Variants in LTBP1 observed in about 807,000 individuals in gnomAD.
LTBP1 encodes latent transforming growth factor beta binding protein 1.
LTBP1 carries 129 observed loss-of-function variants against 207.6 expected under a neutral mutation model. The ratio of observed to expected loss-of-function variants is 0.62; its 90% CI spans 0.54 to 0.72. LTBP1 has a LOEUF of 0.72. Among genes scored for constraint, LTBP1 ranks in the 30% least tolerant of loss-of-function variants. LTBP1 has a pLI of 0.00. For missense variants in LTBP1, 2,281 were observed against 2,217.2 expected (o/e 1.03, Z -0.58); for synonymous variants, 963 against 833.7 (o/e 1.16, Z -2.67).
chr2:33,219,624 T>A (rs1189359648), intron 8 of LTBP1, among the ~76,000 whole-genome samples: 2 of 152,184 alleles, frequency 1.3e-5, no homozygotes, highest in Non-Finnish European at 2.9e-5. Context: ...TTCCACTGTT[T>A]GGTCTAAGAA....
intron 5 of LTBP1, among the ~76,000 whole-genome samples, chr2:33,156,791 AT>A (rs1338612866): frequency 6.6e-6 from 1 of 152,232 alleles, no homozygotes; most frequent in East Asian, 1.9e-4. Flanking sequence ...TCTTGAGTAT[AT>A]TAAACATCAA....
At chr2:33,155,033 A>T (rs1164333715) in intron 5 of LTBP1, among the ~76,000 whole-genome samples, 6 of 152,184 alleles carry the variant, frequency 3.9e-5, no homozygotes, top group Admixed American at 2.0e-4. Flanking sequence ...ATTGCATTCC[A>T]GCCTGGGCTA....
intron 5 of LTBP1, among the ~76,000 whole-genome samples, chr2:33,178,763 C>A (rs1264517762): frequency 1.3e-5 from 2 of 152,228 alleles, no homozygotes; most frequent in African/African-American, 4.8e-5. Flanking sequence ...AATGGTATCT[C>A]ACCACCATGT....
intron 5 of LTBP1, among the ~76,000 whole-genome samples, chr2:33,138,028 A>G (rs1036816642): frequency 2.6e-5 from 4 of 152,096 alleles, no homozygotes; most frequent in Admixed American, 2.6e-4. Flanking sequence ...CATTGGCTCT[A>G]TGTGCTCTTT....
intron 7 of LTBP1, among the ~76,000 whole-genome samples, chr2:33,198,996 G>A (rs1408609338): frequency 1.3e-5 from 2 of 152,120 alleles, no homozygotes; most frequent in South Asian, 2.1e-4. Flanking sequence ...ATGTTAGGGT[G>A]TCAGTTTTGG....
chr2:33,169,974 A>G (rs1279220110), intron 5 of LTBP1, among the ~76,000 whole-genome samples: 1 of 152,224 alleles, frequency 6.6e-6, no homozygotes, highest in Non-Finnish European at 1.5e-5. Flanking sequence ...AGTTACCTTG[A>G]AACTAGTAAA....
At chr2:33,232,277 G>A (rs191894647) in intron 9 of LTBP1, among the ~76,000 whole-genome samples, 8 of 152,318 alleles carry the variant, frequency 5.3e-5, no homozygotes, top group African/African-American at 1.9e-4. Flanking sequence ...ACTGGACAAT[G>A]CAGAGACAAA....
chr2:33,082,648 A>G (rs1019869502), intron 3 of LTBP1, among the ~76,000 whole-genome samples: 1 of 151,738 alleles, frequency 6.6e-6, no homozygotes, highest in African/African-American at 2.4e-5. Context: ...GATGGTCTCA[A>G]TCTCCTGACC....
At chr2:33,355,250 C>G (rs954782809) in intron 26 of LTBP1, among the ~76,000 whole-genome samples, 2 of 151,836 alleles carry the variant, frequency 1.3e-5, no homozygotes, top group African/African-American at 4.8e-5. Flanking sequence ...TCTCAGTGTA[C>G]TATTCTCTCG....
chr2:33,385,696 C>T (rs149622271), intron 31 of LTBP1, among the ~76,000 whole-genome samples: 95 of 152,304 alleles, frequency 6.2e-4, no homozygotes, highest in African/African-American at 2.2e-3. Flanking sequence ...TTCCCATTAC[C>T]CCACGATCCT....
At chr2:32,959,767 T>C (rs143519911) in intron 2 of LTBP1, among the ~76,000 whole-genome samples, 8,227 of 150,842 alleles carry the variant, frequency 0.055, 254 homozygotes, top group African/African-American at 0.072. Context: ...ATTACAGGCA[T>C]CTGCCACCAC....
chr2:33,086,811 CGTT>C (rs762217262), intron 3 of LTBP1, among the ~76,000 whole-genome samples: 6 of 151,924 alleles, frequency 3.9e-5, no homozygotes, highest in Non-Finnish European at 8.8e-5. Context: ...TTCCTTGTCT[CGTT>C]GGGCCACCTG....
At position 33,337,828 on chromosome 2, in the gene LTBP1, A is replaced by G. The variant is rs2094570556; in HGVS notation, c.3731-5010A>G. Among the ~76,000 whole-genome samples the G allele has an allele frequency of 2.0e-5, 3 of 152,242 alleles. No homozygotes were observed. The South Asian group carries it at 6.2e-4, about 31-fold the overall frequency. ...CTTCCAAATTCAACTTTAGCAAAAA[A>G]GGATGACTTTCACTTGTTCGTTTAG... On this transcript the variant is annotated intron_variant, in intron 24 of 33. Transcript: ENST00000404816.
At chr2:33,302,551 A>G in intron 22 of LTBP1, among the ~76,000 whole-genome samples, 1 of 152,180 alleles carries the variant, frequency 6.6e-6, no homozygotes, top group East Asian at 1.9e-4. Flanking sequence ...ATTTCTGACC[A>G]GAGAACTTGG....
chr2:33,389,274 C>G lies in LTBP1; in HGVS notation c.4802C>G (p.Thr1601Ser). Residue 1601 changes from threonine to serine, a missense_variant, in exon 32 of 34, where the codon ACT becomes AGT. By Grantham distance (58) the Thr-to-Ser change is moderately conservative (BLOSUM62 1). This residue lies in a region of LTBP1 where 1,671 missense variants were observed against 1,634.8 expected (regional missense o/e 1.02). Coordinates refer to ENST00000404816, the MANE Select transcript of LTBP1 (RefSeq NM_206943.4). ...TTGGTTGACTTCAGTGAACAGTATA[C>G]TCCAGAAGCCGATCCCTACTTCATC... ...DALVDFSEQY[T>S]PEADPYFIQD... 6.2e-7 allele frequency: 1 copy of G among 1,614,224 alleles called. No individual in the cohort carries two copies. Among genetic ancestry groups the G allele is most frequent in the Non-Finnish European group, 8.5e-7 (1 of 1,180,026 alleles).
intron 24 of LTBP1, among the ~76,000 whole-genome samples, chr2:33,322,112 A>C (rs1233496573): frequency 6.8e-6 from 1 of 146,742 alleles, no homozygotes; most frequent in Non-Finnish European, 1.5e-5. Flanking sequence ...AGTAGCAAAA[A>C]ATTTGAGATC....
At chr2:33,190,687 G>T (rs2087764922) in intron 7 of LTBP1, among the ~76,000 whole-genome samples, 1 of 152,166 alleles carries the variant, frequency 6.6e-6, no homozygotes, top group South Asian at 2.1e-4. Context: ...ATAGAACGAT[G>T]CAAATATTAG....
intron 2 of LTBP1, among the ~76,000 whole-genome samples, chr2:32,978,160 A>G (rs1214462228): frequency 6.6e-6 from 1 of 152,158 alleles, no homozygotes; most frequent in Non-Finnish European, 1.5e-5. Flanking sequence ...ATCATCTGCA[A>G]ACAAGGATAA....
At chr2:33,315,399 A>C in intron 24 of LTBP1, 130 bp downstream of exon 24, 1 of 1,119,206 alleles carries the variant, frequency 8.9e-7, no homozygotes, top group Non-Finnish European at 1.3e-6. Flanking sequence ...GTATGCATCA[A>C]AGTAAACCAT....
Sources: allele counts gnomAD v4.1 joint callset (sites outside exome capture counted in the v4.1 genomes callset), GRCh38; gene constraint gnomAD v4.1.1; regional missense constraint gnomAD v4.1.1; transcripts MANE v1.5; gene names NCBI Gene and HGNC (gene_info 2026-07-23, HGNC 2026-07-21).